PPIL6: variants seen among roughly 807,000 people sequenced by gnomAD.
PPIL6 encodes the protein peptidylprolyl isomerase like 6, also known as probable inactive peptidyl-prolyl cis-trans isomerase-like 6.
A neutral mutation model predicts 36.8 loss-of-function variants in PPIL6; 39 were observed. The observed-to-expected ratio is 1.06, with a 90% CI of 0.82 to 1.38. The LOEUF is 1.38. PPIL6 is among the 40% of genes most tolerant of loss of function. The pLI is 0.00. For missense variants in PPIL6, 368 were observed against 379.1 expected, an observed-to-expected ratio of 0.97 and a Z score of 0.24; for synonymous variants, 123 against 134.1, an observed-to-expected ratio of 0.92 and a Z score of 0.57.
At chr6:109,434,614 T>C (rs892348150) in intron 2 of PPIL6, among the ~76,000 whole-genome samples, 2 of 152,210 alleles carry the variant, frequency 1.3e-5, no homozygotes, top group South Asian at 4.1e-4. Flanking sequence ...TGAAGTGGTC[T>C]CATAAAACCG....
intron 6 of PPIL6, among the ~76,000 whole-genome samples, chr6:109,418,698 T>C (rs1773391177): frequency 6.6e-6 from 1 of 152,054 alleles, no homozygotes; most frequent in Non-Finnish European, 1.5e-5. Flanking sequence ...TGCGCCATCA[T>C]GCCTGGCTAA....
Position 109,440,492 on chromosome 6 carries a change from G to A in PPIL6, c.99C>T (p.Ser33=). The A allele has an allele frequency of 1.3e-6, 2 of 1,539,258 alleles. No homozygotes were observed. Among genetic ancestry groups the A allele is most frequent in the Non-Finnish European group, 1.8e-6 (2 of 1,142,300 alleles). The change falls in exon 1 of 8, where the codon AGC becomes AGT. Residue 33 remains serine (S), a synonymous_variant. Coordinates refer to ENST00000521072, the MANE Select transcript of PPIL6 (RefSeq NM_173672.5). ...TCTTCGCAATCTGAAAGTTGGGGCAGCTGAAGAGCCCCACCACCTTCACCT... is the reference window on the plus strand; with the variant it reads ...TCTTCGCAATCTGAAAGTTGGGGCAACTGAAGAGCCCCACCACCTTCACCT... ...PLQVKVVGLF[S]CPNFQIAKSA... is the part of the protein sequence containing the mutation.
At chr6:109,431,463 G>T in intron 2 of PPIL6, 118 bp from the exon 3 acceptor site, 2 of 550,784 alleles carry the variant, frequency 3.6e-6, no homozygotes, top group East Asian at 6.4e-5. Flanking sequence ...CTCTAGTATT[G>T]AATCTTTTAA....
At chr6:109,441,166 C>CT, upstream of PPIL6, 1 of 1,614,176 alleles carries the variant, frequency 6.2e-7, no homozygotes, top group East Asian at 2.2e-5. Context: ...TCAACCTCAA[C>CT]TGCTGGTGAG....
At chr6:109,416,772 T>C (rs1351465843) in intron 6 of PPIL6, among the ~76,000 whole-genome samples, 1 of 152,214 alleles carries the variant, frequency 6.6e-6, no homozygotes, top group East Asian at 1.9e-4. Flanking sequence ...TGTCATATAA[T>C]AGCTTTGATT....
intron 5 of PPIL6, among the ~76,000 whole-genome samples, chr6:109,419,614 T>G (rs1484110872): frequency 6.6e-6 from 1 of 151,710 alleles, no homozygotes; most frequent in Non-Finnish European, 1.5e-5. Flanking sequence ...TCCCAGCTAC[T>G]AGGGAGGCTG....
At chr6:109,439,282 G>A (rs1774647364) in intron 1 of PPIL6, among the ~76,000 whole-genome samples, 1 of 152,212 alleles carries the variant, frequency 6.6e-6, no homozygotes, top group Non-Finnish European at 1.5e-5. Context: ...GTCTGCCCAA[G>A]CAACACAGAC....
At chr6:109,440,832 C>T (rs1260892105), upstream of PPIL6, 2 of 401,332 alleles carry the variant, frequency 5.0e-6, no homozygotes, top group Non-Finnish European at 8.7e-6. Flanking sequence ...GGGCGCTCTC[C>T]GGACCCCCAG....
chr6:109,429,086 C>T (rs966387521), intron 3 of PPIL6, among the ~76,000 whole-genome samples: 19 of 152,294 alleles, frequency 1.2e-4, no homozygotes, highest in African/African-American at 4.1e-4. Flanking sequence ...TGGTTCTAAC[C>T]GGAAGTAAAC....
intron 5 of PPIL6, 140 bp downstream of exon 5, chr6:109,426,707 A>G (rs900634479): frequency 8.3e-6 from 4 of 482,446 alleles, no homozygotes; most frequent in Non-Finnish European, 1.4e-5. Context: ...TTACTTCATT[A>G]TTTGGCTATA....
At chr6:109,395,445 C>G (rs1297627147) in intron 7 of PPIL6, among the ~76,000 whole-genome samples, 2 of 151,640 alleles carry the variant, frequency 1.3e-5, no homozygotes, top group Non-Finnish European at 2.9e-5. Flanking sequence ...AATATAGTTC[C>G]TTAGTCACAC....
intron 3 of PPIL6, among the ~76,000 whole-genome samples, chr6:109,428,421 A>T (rs139654381): frequency 1.1e-4 from 17 of 152,096 alleles, no homozygotes; most frequent in African/African-American, 3.9e-4. Context: ...GCATGATGGC[A>T]TGTGTCTGTA....
At chr6:109,436,471 A>C (rs1774454345) in intron 1 of PPIL6, among the ~76,000 whole-genome samples, 1 of 152,148 alleles carries the variant, frequency 6.6e-6, no homozygotes, top group African/African-American at 2.4e-5. Context: ...TAATCTCAGC[A>C]CTTTGGGAGG....
intron 6 of PPIL6, 27 bp from the exon 7 acceptor site, chr6:109,400,197 A>G (rs1772473711): frequency 1.9e-6 from 3 of 1,582,154 alleles, no homozygotes; most frequent in Non-Finnish European, 2.6e-6. Context: ...TCAGTAGGTC[A>G]TTAGCACATT....
rs1397456986 is a variant in PPIL6, at chr6:109,427,144, A to C, written c.433T>G (p.Phe145Val). 2 of 1,611,338 alleles carry C rather than the reference A, an allele frequency of 1.2e-6. No homozygotes were observed. Among genetic ancestry groups the C allele is most frequent in the East Asian group, 2.2e-5 (1 of 44,806 alleles). Residue 145 changes from phenylalanine (F) to valine (V), a missense_variant, in exon 4 of 8, where the codon TTT becomes GTT. Physicochemically the swap from Phe to Val is conservative, Grantham distance 50. Coordinates refer to ENST00000521072, the MANE Select transcript of PPIL6 (RefSeq NM_173672.5). ...GAAGAATCAATACAAATGTCCAAAA[A>C]CACGAAATCATGCTGTGAAGATTAA... Reference protein sequence around the residue: ...FLRDTKHDFVFLDICIDSSPI... With the variant: ...FLRDTKHDFVVLDICIDSSPI...
At chr6:109,426,034 A>G (rs1056292946) in intron 5 of PPIL6, among the ~76,000 whole-genome samples, 7 of 152,228 alleles carry the variant, frequency 4.6e-5, no homozygotes, top group African/African-American at 1.2e-4. Context: ...ACAAAATGGA[A>G]AAACACTTGA....
At chr6:109,407,755 C>T (rs763939247) in intron 6 of PPIL6, among the ~76,000 whole-genome samples, 6 of 152,044 alleles carry the variant, frequency 3.9e-5, no homozygotes, top group Admixed American at 1.3e-4. Context: ...AAAAATAAAA[C>T]TTGTATATAT....
At chr6:109,407,270 C>T (rs1772838079) in intron 6 of PPIL6, among the ~76,000 whole-genome samples, 2 of 149,396 alleles carry the variant, frequency 1.3e-5, no homozygotes, top group South Asian at 2.1e-4. Context: ...GATGGAGTCT[C>T]GCTCTTTCGC....
intron 6 of PPIL6, among the ~76,000 whole-genome samples, chr6:109,407,969 T>A (rs1772869547): frequency 6.6e-6 from 1 of 152,156 alleles, no homozygotes; most frequent in Non-Finnish European, 1.5e-5. Flanking sequence ...TACTCCTCAC[T>A]GAATATAATA....
Sources: gnomAD v4.1 joint callset for allele counts (sites outside exome capture counted in the v4.1 genomes callset) on GRCh38, gnomAD v4.1.1 for gene constraint, MANE v1.5 for transcripts, NCBI Gene and HGNC (gene_info 2026-07-23, HGNC 2026-07-21) for gene names.